The following MIX23 variants were observed in gnomAD, a reference collection of about 807,000 sequenced individuals.
MIX23 encodes the protein protein MIX23.
MIX23 carries 13 observed loss-of-function variants against 21.6 expected under a neutral mutation model. The observed-to-expected ratio is 0.60, with a 90% CI of 0.39 to 0.96. MIX23 has a LOEUF of 0.96. Ranked by LOEUF, MIX23 falls within the 40% of genes least tolerant of loss-of-function variation. The pLI, the probability that MIX23 is intolerant of heterozygous loss-of-function variation, is 0.00. For missense variants in MIX23, 144 were observed against 171.2 expected, an observed-to-expected ratio of 0.84 and a Z score of 0.89; for synonymous variants, 59 against 58.0, an observed-to-expected ratio of 1.02 and a Z score of -0.08.
At chr3:122,361,187 A>C (rs577126650) in intron 4 of MIX23, among the ~76,000 whole-genome samples, 1 of 152,336 alleles carries the variant, frequency 6.6e-6, no homozygotes, top group South Asian at 2.1e-4. Context: ...TGGTAGATAC[A>C]TGAATATTCA....
intron 4 of MIX23, among the ~76,000 whole-genome samples, chr3:122,360,749 A>C (rs1462555709): frequency 6.6e-6 from 1 of 152,196 alleles, no homozygotes; most frequent in African/African-American, 2.4e-5. Flanking sequence ...GTTAAAAAAA[A>C]ACAAACTACC....
Position 122,368,206 on chromosome 3 carries a change from T to TA in MIX23, c.293dup (p.Leu98PhefsTer6), listed in dbSNP as rs772198651. 1 of 1,610,434 alleles carries TA rather than the reference T, an allele frequency of 6.2e-7. No individual in the cohort carries two copies. Among genetic ancestry groups the TA allele is most frequent in the Non-Finnish European group, 8.5e-7 (1 of 1,179,698 alleles). ...TCTGCTCTTTTCTAAGTTGTTTTAA[T>TA]AACGTTAAATCGTCCAAATTCTTTT... On this transcript the variant is annotated frameshift_variant, in exon 3 of 5. Coordinates refer to ENST00000291458, the MANE Select transcript of MIX23 (RefSeq NM_001017928.4). LOFTEE classifies it high-confidence loss of function.
chr3:122,370,896 G>A (rs1021998382), intron 2 of MIX23, among the ~76,000 whole-genome samples: 1 of 152,158 alleles, frequency 6.6e-6, no homozygotes, highest in Non-Finnish European at 1.5e-5. Context: ...AGTAGTTAAT[G>A]CTCTGAATTT....
At chr3:122,381,693 G>T (rs1326717919) in intron 1 of MIX23, among the ~76,000 whole-genome samples, 2 of 149,958 alleles carry the variant, frequency 1.3e-5, no homozygotes, top group East Asian at 3.9e-4. Context: ...ACTCCAGCCT[G>T]GGGGATAGAG....
chr3:122,369,350 C>T (rs577262956), intron 2 of MIX23, among the ~76,000 whole-genome samples: 1 of 152,248 alleles, frequency 6.6e-6, no homozygotes, highest in East Asian at 1.9e-4. Context: ...TAGGAAGAAG[C>T]GTTATTTGAA....
chr3:122,381,896 T>C (rs1320441101), intron 1 of MIX23, among the ~76,000 whole-genome samples: 1 of 151,912 alleles, frequency 6.6e-6, no homozygotes, highest in Admixed American at 6.6e-5. Context: ...GCACTCTTTT[T>C]CCCCCCTTAA....
At chr3:122,362,321 T>C (rs1344591243) in intron 4 of MIX23, among the ~76,000 whole-genome samples, 1 of 152,182 alleles carries the variant, frequency 6.6e-6, no homozygotes, top group Non-Finnish European at 1.5e-5. Context: ...AAAAGGCTAA[T>C]TTGAACAAAT....
At position 122,362,986 on chromosome 3, in the gene MIX23, T is replaced by A. The variant is rs1459639184; in HGVS notation, c.366A>T (p.Val122=). 6.2e-7 allele frequency: 1 copy of A among 1,613,400 alleles called. No individual in the cohort carries two copies. Among genetic ancestry groups the A allele is most frequent in the Non-Finnish European group, 8.5e-7 (1 of 1,179,692 alleles). ...TTTATACCTTCCAGCTCCTGTCATTTACCACTTCTTCAACATTCAGTTCTG... is the reference window on the plus strand; with the variant it reads ...TTTATACCTTCCAGCTCCTGTCATTAACCACTTCTTCAACATTCAGTTCTG... ...MQSELNVEEV[V]NDRSWKVFNE... Residue 122 remains valine, a synonymous_variant, in exon 4 of 5, where the codon GTA becomes GTT. Coordinates refer to ENST00000291458, the MANE Select transcript of MIX23 (RefSeq NM_001017928.4).
intron 3 of MIX23, among the ~76,000 whole-genome samples, chr3:122,363,646 GA>G (rs899131917): frequency 6.6e-6 from 1 of 151,090 alleles, no homozygotes; most frequent in Admixed American, 6.6e-5. Context: ...AGAGAATTAA[GA>G]AAAAAAACCC....
chr3:122,366,935 C>G (rs1384722391), intron 3 of MIX23, among the ~76,000 whole-genome samples: 1 of 133,212 alleles, frequency 7.5e-6, no homozygotes, highest in Non-Finnish European at 1.7e-5. Flanking sequence ...GAGACCCCAT[C>G]TCAAAAAACA....
intron 3 of MIX23, among the ~76,000 whole-genome samples, chr3:122,364,365 T>C (rs980059698): frequency 8.5e-5 from 13 of 152,136 alleles, no homozygotes; most frequent in Non-Finnish European, 1.9e-4. Context: ...TAATCAGCCA[T>C]ACAGACCAAA....
At position 122,371,657 on chromosome 3, in the gene MIX23, C is replaced by T. The variant is rs1192689384; in HGVS notation, c.177+18G>A. ...AGAAAGGCATGAAAGAAGCAAAAGA[C>T]TCAAAAAATACACTTACAGACTCAT... is the stretch of plus-strand genomic sequence containing the variant. On this transcript the variant is annotated intron_variant, in intron 2 of 4. Transcript: ENST00000291458. The T allele has an allele frequency of 5.0e-6, 8 of 1,610,822 alleles. No individual in the cohort carries two copies. The African/African-American group carries it at 5.3e-5, about 11-fold the overall frequency.
chr3:122,378,123 A>C (rs2075502456), intron 1 of MIX23, among the ~76,000 whole-genome samples: 1 of 152,218 alleles, frequency 6.6e-6, no homozygotes, highest in African/African-American at 2.4e-5. Flanking sequence ...TGTGTTCTAA[A>C]ATGACTGCTT....
At chr3:122,383,075 G>T (rs1275211758) in intron 1 of MIX23, 99 bp downstream of exon 1, 1 of 1,500,982 alleles carries the variant, frequency 6.7e-7, no homozygotes, top group Non-Finnish European at 9.3e-7. Flanking sequence ...TGAATTGCCC[G>T]CTTTTTCCAA....
At position 122,375,959 on chromosome 3, in the gene MIX23, C is replaced by T. The variant is rs145027933; in HGVS notation, c.52-4159G>A. ...TGGGTGGATCATGAGGTCAGGAGTTCGAGATCAGCCTGACCAACATGGTGA... is the reference window on the plus strand; with the variant it reads ...TGGGTGGATCATGAGGTCAGGAGTTTGAGATCAGCCTGACCAACATGGTGA... On this transcript the variant is annotated intron_variant, in intron 1 of 4. Coordinates refer to ENST00000291458, the MANE Select transcript of MIX23 (RefSeq NM_001017928.4). Among the ~76,000 whole-genome samples, 1,255 of 151,904 alleles carry T rather than the reference C, an allele frequency of 8.3e-3. 18 individuals are homozygous for T. Among genetic ancestry groups the T allele is most frequent in the African/African-American group, 0.029 (1,202 of 41,436 alleles).
intron 3 of MIX23, 74 bp downstream of exon 3, chr3:122,368,102 A>T: frequency 7.0e-7 from 1 of 1,437,460 alleles, no homozygotes; most frequent in Non-Finnish European, 9.6e-7. Context: ...CAAAATTTTC[A>T]TATTAAAAAT....
intron 4 of MIX23, among the ~76,000 whole-genome samples, chr3:122,362,274 T>C (rs2075363511): frequency 6.6e-6 from 1 of 152,176 alleles, no homozygotes; most frequent in African/African-American, 2.4e-5. Flanking sequence ...ATAGGTTACC[T>C]AATGATAGGA....
At chr3:122,376,832 G>A (rs747285460) in intron 1 of MIX23, among the ~76,000 whole-genome samples, 4 of 152,182 alleles carry the variant, frequency 2.6e-5, no homozygotes, top group Admixed American at 6.5e-5. Context: ...AAGGAGGAAG[G>A]TGGGGGGTGA....
In MIX23 at chr3:122,368,126, C is replaced by T. The variant is rs769290282; in HGVS notation, c.324+50G>A. Reference sequence around the variant, plus strand: ...CATATTAAAAATCTTACTTTGAAGGCTACAATTGGAAAAACTTTGCCTGAG... The same window carrying T: ...CATATTAAAAATCTTACTTTGAAGGTTACAATTGGAAAAACTTTGCCTGAG... On this transcript the variant is annotated intron_variant, in intron 3 of 4. Transcript: ENST00000291458. The T allele has an allele frequency of 1.3e-5, 21 of 1,581,452 alleles. 1 individual carries two copies. Among genetic ancestry groups the T allele is most frequent in the Non-Finnish European group, 1.6e-5 (19 of 1,157,628 alleles).
Sources: allele counts gnomAD v4.1 joint callset (sites outside exome capture counted in the v4.1 genomes callset), GRCh38; gene constraint gnomAD v4.1.1; transcripts MANE v1.5; gene names NCBI Gene and HGNC (gene_info 2026-07-23, HGNC 2026-07-21).